PUM2: variants seen among roughly 807,000 people sequenced by gnomAD.
The protein encoded by PUM2 is pumilio RNA binding family member 2.
A neutral mutation model predicts 124.5 loss-of-function variants in PUM2; 57 were observed. The observed-to-expected ratio is 0.46, with a 90% CI of 0.37 to 0.57. The LOEUF (loss-of-function observed/expected upper bound fraction) is 0.57, where lower values mean the gene tolerates loss of function less well. Among genes scored for constraint, PUM2 ranks in the 20% least tolerant of loss-of-function variants. PUM2 has a pLI of 0.00. For synonymous variants in PUM2, 460 were observed against 446.1 expected (o/e 1.03, Z -0.39); for missense variants, 1,065 against 1,290.6 (o/e 0.83, Z 2.68).
chr2:20,333,352 TAGGGAGACCTAGCTCTAC>T (rs1268542323), intron 1 of PUM2, among the ~76,000 whole-genome samples: 3 of 151,718 alleles, frequency 2.0e-5, no homozygotes, highest in African/African-American at 7.3e-5. Flanking sequence ...CTTGGCAACA[TAGGGAGACCTAGCTCTAC>T]AAAAAATTAA....
intron 3 of PUM2, among the ~76,000 whole-genome samples, chr2:20,316,546 G>A (rs113896254): frequency 9.9e-5 from 15 of 151,362 alleles, no homozygotes; most frequent in South Asian, 4.2e-4. Flanking sequence ...CTAGCTGTAC[G>A]CCTCTCAGAT....
At chr2:20,276,552 T>C (rs1409846926) in intron 13 of PUM2, among the ~76,000 whole-genome samples, 1 of 152,140 alleles carries the variant, frequency 6.6e-6, no homozygotes, top group East Asian at 1.9e-4. Context: ...GCAAATTCCA[T>C]TTCCATAAGT....
chr2:20,296,526 A>G (rs927844544), intron 8 of PUM2, among the ~76,000 whole-genome samples: 1 of 152,100 alleles, frequency 6.6e-6, no homozygotes, highest in Admixed American at 6.5e-5. Flanking sequence ...CTCCTAGGAA[A>G]ATACTGACTG....
chr2:20,341,510 T>TCC, intron 1 of PUM2, among the ~76,000 whole-genome samples: 1 of 152,204 alleles, frequency 6.6e-6, no homozygotes, highest in Middle Eastern at 3.2e-3. Flanking sequence ...TACATATGTT[T>TCC]GTGGGAAGTA....
At chr2:20,311,141 A>G (rs1012540052) in intron 5 of PUM2, among the ~76,000 whole-genome samples, 2 of 151,640 alleles carry the variant, frequency 1.3e-5, no homozygotes, top group African/African-American at 4.9e-5. Flanking sequence ...GCTCAAAAGC[A>G]CTCCCAAGAG....
chr2:20,286,309 T>C (rs899345902), intron 10 of PUM2, among the ~76,000 whole-genome samples: 45 of 152,200 alleles, frequency 3.0e-4, no homozygotes, highest in Admixed American at 2.0e-3. Flanking sequence ...GGTAGTTGAA[T>C]TCGGAGAACC....
chr2:20,281,587 T>C (rs1198534741), intron 12 of PUM2, among the ~76,000 whole-genome samples: 1 of 152,230 alleles, frequency 6.6e-6, no homozygotes, highest in Non-Finnish European at 1.5e-5. Flanking sequence ...TTAGGATTCT[T>C]TGGAGAAAAT....
intron 2 of PUM2, among the ~76,000 whole-genome samples, chr2:20,322,394 C>A (rs1200650023): frequency 6.6e-6 from 1 of 151,606 alleles, no homozygotes; most frequent in Non-Finnish European, 1.5e-5. Flanking sequence ...ACCAGCCTGG[C>A]CAACACTGTG....
At chr2:20,351,414 T>C (rs761359964), upstream of PUM2, among the ~76,000 whole-genome samples, 9 of 152,206 alleles carry the variant, frequency 5.9e-5, no homozygotes, top group Non-Finnish European at 7.4e-5. Flanking sequence ...TTCTCGTGGT[T>C]GCACCCCAGG....
intron 5 of PUM2, among the ~76,000 whole-genome samples, chr2:20,309,085 G>C (rs546436101): frequency 3.3e-5 from 5 of 152,140 alleles, no homozygotes; most frequent in African/African-American, 1.2e-4. Flanking sequence ...GATCATAATG[G>C]TCTTCATTAT....
intron 12 of PUM2, among the ~76,000 whole-genome samples, chr2:20,279,029 A>C (rs1289125705): frequency 6.6e-6 from 1 of 152,162 alleles, no homozygotes; most frequent in Non-Finnish European, 1.5e-5. Context: ...AATACTTAAC[A>C]GAGCAGTCAT....
chr2:20,258,047 A>T (rs1250499725), intron 16 of PUM2, among the ~76,000 whole-genome samples, 196 bp downstream of exon 16: 2 of 152,184 alleles, frequency 1.3e-5, no homozygotes, highest in Non-Finnish European at 2.9e-5. Flanking sequence ...AGGTGCTAAA[A>T]TATCTTCATT....
At chr2:20,255,123 T>A in intron 18 of PUM2, 93 bp downstream of exon 18, 1 of 1,479,238 alleles carries the variant, frequency 6.8e-7, no homozygotes, top group South Asian at 1.2e-5. Flanking sequence ...CACTCTTGTC[T>A]ATAGTGTGTT....
At chr2:20,283,312 ATAT>A (rs745796525) in intron 11 of PUM2, 28 bp downstream of exon 11, 4 of 1,611,092 alleles carry the variant, frequency 2.5e-6, no homozygotes, top group South Asian at 1.1e-5. Context: ...CACCAGAAAA[ATAT>A]TATCCTAAAA....
chr2:20,262,620 TGA>T (rs2148560989), intron 14 of PUM2, among the ~76,000 whole-genome samples: 1 of 152,352 alleles, frequency 6.6e-6, no homozygotes, highest in East Asian at 1.9e-4. Context: ...CTTAAAAACT[TGA>T]GGTTTACCTT....
At chr2:20,351,007 T>C (rs956105632), upstream of PUM2, among the ~76,000 whole-genome samples, 1 of 151,794 alleles carries the variant, frequency 6.6e-6, no homozygotes, top group Non-Finnish European at 1.5e-5. Context: ...CGCTCTCACG[T>C]GTTTGGCCGC....
In PUM2 at chr2:20,279,609, C is replaced by T. The variant is rs151317138; in HGVS notation, c.1721-790G>A. On this transcript the variant is annotated intron_variant, in intron 12 of 20. Transcript: ENST00000361078. ...ATAATACACAATTTCTCTTACTTTACATCCCTTAATACAATGCATACCAAA... is the reference window on the plus strand; with the variant it reads ...ATAATACACAATTTCTCTTACTTTATATCCCTTAATACAATGCATACCAAA... 4.1e-3 allele frequency among the ~76,000 whole-genome samples: 628 copies of T among 152,296 alleles called. 7 individuals are homozygous for T. Among genetic ancestry groups the T allele is most frequent in the African/African-American group, 0.014 (590 of 41,576 alleles).
chr2:20,301,230 T>C (rs1455829980), intron 7 of PUM2, among the ~76,000 whole-genome samples: 2 of 152,230 alleles, frequency 1.3e-5, no homozygotes, highest in African/African-American at 4.8e-5. Context: ...ATAAACTTTC[T>C]AAACTGCTTG....
Position 20,278,820 on chromosome 2 carries a change from C to T in PUM2, c.1721-1G>A. The T allele has an allele frequency of 6.2e-7, 1 of 1,607,076 alleles. No homozygotes were observed. The highest frequency in any genetic ancestry group is 8.5e-7 in the Non-Finnish European group (1 of 1,175,320). ...GCACTACTACTTGCAGAACTGCCAA[C>T]TGAAGAAGAAATAAAAAAAACCCTA... On this transcript the variant is annotated splice_acceptor_variant, in intron 12 of 20. Coordinates refer to ENST00000361078, the MANE Select transcript of PUM2 (RefSeq NM_015317.5). LOFTEE classifies it high-confidence loss of function.
Sources: allele counts gnomAD v4.1 joint callset (sites outside exome capture counted in the v4.1 genomes callset), GRCh38; gene constraint gnomAD v4.1.1; transcripts MANE v1.5; gene names NCBI Gene and HGNC (gene_info 2026-07-23, HGNC 2026-07-21).